THSD4: variants seen among roughly 807,000 people sequenced by gnomAD.
THSD4 encodes thrombospondin type-1 domain-containing protein 4.
THSD4 carries 69 observed loss-of-function variants against 119.0 expected under a neutral mutation model. The observed-to-expected ratio is 0.58, with a 90% confidence interval of 0.48 to 0.71. The LOEUF (loss-of-function observed/expected upper bound fraction) is 0.71. Ranked by LOEUF, THSD4 falls within the 30% of genes least tolerant of loss-of-function variation. The probability of loss-of-function intolerance (pLI) is 0.00; values close to 1 mark genes in which losing one functional copy is unlikely to be tolerated. For synonymous variants in THSD4, 524 were observed against 540.4 expected (o/e 0.97, Z 0.42); for missense variants, 1,393 against 1,391.1 (o/e 1.00, Z -0.02).
At chr15:71,279,785 A>T (rs199875290) in intron 6 of THSD4, among the ~76,000 whole-genome samples, 19 of 11,296 alleles carry the variant, frequency 1.7e-3, no homozygotes, top group Non-Finnish European at 3.8e-3. Flanking sequence ...TTTCCCCTTT[A>T]AAAAAAAAAA....
At chr15:71,473,496 C>A (rs2047613040) in intron 7 of THSD4, among the ~76,000 whole-genome samples, 1 of 152,196 alleles carries the variant, frequency 6.6e-6, no homozygotes, top group South Asian at 2.1e-4. Context: ...GCCTTCAAAT[C>A]TACCAGGCAA....
chr15:71,507,418 T>TGCCCTATTTTTAGG (rs1555421624), intron 7 of THSD4, among the ~76,000 whole-genome samples: 3 of 152,054 alleles, frequency 2.0e-5, no homozygotes, highest in South Asian at 2.1e-4. Context: ...TCTCATAAAC[T>TGCCCTATTTTTAGG]GCACTATTTT....
chr15:71,459,941 A>C (rs1472039120), intron 7 of THSD4, among the ~76,000 whole-genome samples: 3 of 152,142 alleles, frequency 2.0e-5, no homozygotes, highest in East Asian at 3.9e-4. Context: ...TACTTCTCTT[A>C]TGCCACACTC....
At chr15:71,651,997 TG>T (rs2051100195) in intron 7 of THSD4, among the ~76,000 whole-genome samples, 2 of 152,248 alleles carry the variant, frequency 1.3e-5, no homozygotes, top group Non-Finnish European at 2.9e-5. Flanking sequence ...GAGAGCCTTC[TG>T]GGGACCTGCA....
At chr15:71,505,917 A>G (rs577430677) in intron 7 of THSD4, among the ~76,000 whole-genome samples, 1 of 152,220 alleles carries the variant, frequency 6.6e-6, no homozygotes, top group Non-Finnish European at 1.5e-5. Flanking sequence ...GCAAACAATG[A>G]AGGAATTTGA....
rs530063301 is a variant in THSD4, at chr15:71,537,270, C to T, written c.1153-123260C>T. On this transcript the variant is annotated intron_variant, in intron 7 of 17. Coordinates refer to ENST00000261862, the MANE Select transcript of THSD4 (RefSeq NM_024817.3). The stretch of plus-strand genomic sequence containing the variant: ...TTCCATTCTTGCCTCCCTCTAATCC[C>T]TTCGCCATACAACAGAAGTAGCCTT... 2.0e-5 allele frequency among the ~76,000 whole-genome samples: 3 copies of T among 152,274 alleles called. No homozygotes were observed. The East Asian group carries it at 5.8e-4, about 29-fold the overall frequency.
rs115502407 is a variant in THSD4, at chr15:71,380,176, T to C, written c.1016-31511T>C. 1.7e-3 allele frequency among the ~76,000 whole-genome samples: 255 copies of C among 152,260 alleles called. 2 individuals are homozygous for C. Among genetic ancestry groups the C allele is most frequent in the African/African-American group, 5.9e-3 (244 of 41,582 alleles). ...TTATGTAAGGACTCAAGTATGCAAG[T>C]ACAGAGGCTTTCTCAAGCCAAATTT... is the stretch of plus-strand genomic sequence containing the variant. On this transcript the variant is annotated intron_variant, in intron 6 of 17. Transcript: ENST00000261862.
intron 3 of THSD4, among the ~76,000 whole-genome samples, chr15:71,189,630 A>G (rs1259923710): frequency 1.3e-5 from 2 of 151,790 alleles, no homozygotes; most frequent in Non-Finnish European, 2.9e-5. Flanking sequence ...AGATCGCGCC[A>G]CTGCACTCCA....
At chr15:71,770,585 G>A (rs550183677) in intron 16 of THSD4, among the ~76,000 whole-genome samples, 1 of 152,228 alleles carries the variant, frequency 6.6e-6, no homozygotes, top group East Asian at 1.9e-4. Flanking sequence ...AACCTGGGAG[G>A]TGGAGGTTGC....
At chr15:71,391,907 GAAT>G (rs1290009680) in intron 6 of THSD4, among the ~76,000 whole-genome samples, 1 of 152,140 alleles carries the variant, frequency 6.6e-6, no homozygotes, top group Non-Finnish European at 1.5e-5. Context: ...GAAGGAAATA[GAAT>G]AATGAGACCC....
At chr15:71,701,882 T>C (rs1012386415) in intron 8 of THSD4, among the ~76,000 whole-genome samples, 4 of 152,200 alleles carry the variant, frequency 2.6e-5, no homozygotes, top group African/African-American at 9.7e-5. Context: ...TAAATTGTTT[T>C]TAATGATCAT....
In THSD4 at chr15:71,565,055, A is replaced by G. The variant is rs143197498; in HGVS notation, c.1153-95475A>G. On this transcript the variant is annotated intron_variant, in intron 7 of 17. Coordinates refer to ENST00000261862, the MANE Select transcript of THSD4 (RefSeq NM_024817.3). Reference sequence around the variant, plus strand: ...AGAACAAAAAACAACAACCAAAAGAACACCTTAGGTTTTTAAGCCTTTTGA... The same window carrying G: ...AGAACAAAAAACAACAACCAAAAGAGCACCTTAGGTTTTTAAGCCTTTTGA... Among the ~76,000 whole-genome samples the G allele has an allele frequency of 1.3e-3, 192 of 152,300 alleles. 4 individuals are homozygous for G. The East Asian group carries it at 0.023, about 18-fold the overall frequency.
intron 6 of THSD4, among the ~76,000 whole-genome samples, chr15:71,325,176 A>ATG (rs2045322739): frequency 6.6e-6 from 1 of 152,194 alleles, no homozygotes; most frequent in Admixed American, 6.5e-5. Flanking sequence ...CTTGCTGAAG[A>ATG]TGTGGGTTAT....
At chr15:71,205,706 G>A (rs191643007) in intron 3 of THSD4, among the ~76,000 whole-genome samples, 1 of 152,078 alleles carries the variant, frequency 6.6e-6, no homozygotes, top group South Asian at 2.1e-4. Flanking sequence ...GCAGCTGCTG[G>A]CATTAACACG....
chr15:71,409,970 AT>A (rs1222132011), intron 6 of THSD4, among the ~76,000 whole-genome samples: 2 of 152,118 alleles, frequency 1.3e-5, no homozygotes, highest in African/African-American at 2.4e-5. Flanking sequence ...CTTGCCTGAA[AT>A]TTATTTTCAT....
chr15:71,744,977 C>A, intron 11 of THSD4, 129 bp from the exon 12 acceptor site: 1 of 1,175,260 alleles, frequency 8.5e-7, no homozygotes, highest in Non-Finnish European at 1.2e-6. Flanking sequence ...AGTGTGCATG[C>A]ATGTGTGAAT....
intron 6 of THSD4, among the ~76,000 whole-genome samples, chr15:71,352,292 G>C (rs1323567250): frequency 6.6e-6 from 1 of 152,182 alleles, no homozygotes; most frequent in Non-Finnish European, 1.5e-5. Flanking sequence ...AAGGTTTGAT[G>C]ATGGATCCAC....
chr15:71,139,225 T>C (rs533034133), intron 1 of THSD4, among the ~76,000 whole-genome samples: 52 of 152,324 alleles, frequency 3.4e-4, no homozygotes, highest in African/African-American at 1.2e-3. Flanking sequence ...AATGAACAGT[T>C]TACCCTGTGT....
intron 4 of THSD4, among the ~76,000 whole-genome samples, chr15:71,216,257 G>T (rs1323739676): frequency 6.6e-6 from 1 of 152,246 alleles, no homozygotes. Flanking sequence ...CTTAAGAAAT[G>T]CGTAATTCAT....
Sources: allele counts gnomAD v4.1 joint callset (sites outside exome capture counted in the v4.1 genomes callset), GRCh38; gene constraint gnomAD v4.1.1; transcripts MANE v1.5; gene names NCBI Gene and HGNC (gene_info 2026-07-23, HGNC 2026-07-21).